Variants in SULT2B1 observed in about 807,000 individuals in gnomAD.
The protein encoded by SULT2B1 is sulfotransferase 2B1.
SULT2B1 carries 16 observed loss-of-function variants against 33.2 expected under a neutral mutation model. The observed-to-expected ratio is 0.48, with a 90% confidence interval of 0.33 to 0.73. The LOEUF (loss-of-function observed/expected upper bound fraction) is 0.73, where lower values mean the gene tolerates loss of function less well. Ranked by LOEUF, SULT2B1 falls within the 30% of genes least tolerant of loss-of-function variation. The pLI, the probability that SULT2B1 is intolerant of heterozygous loss-of-function variation, is 0.02. For missense variants in SULT2B1, 500 were observed against 506.0 expected (o/e 0.99, Z 0.11); for synonymous variants, 186 against 200.5 (o/e 0.93, Z 0.61).
intron 2 of SULT2B1, among the ~76,000 whole-genome samples, chr19:48,582,529 C>T (rs1411539983): frequency 1.3e-5 from 2 of 152,138 alleles, no homozygotes; most frequent in African/African-American, 4.8e-5. Context: ...GTAATGGCTA[C>T]ATTTCCCTCT....
In SULT2B1 at chr19:48,552,803, C is replaced by T. The variant is rs1973046963; in HGVS notation, c.71+480C>T. 6.6e-6 allele frequency among the ~76,000 whole-genome samples: 1 copy of T among 152,088 alleles called. No homozygotes were observed. Among genetic ancestry groups the T allele is most frequent in the Non-Finnish European group, 1.5e-5 (1 of 68,004 alleles). On this transcript the variant is annotated intron_variant, in intron 1 of 6. Coordinates refer to ENST00000201586, the MANE Select transcript of SULT2B1 (RefSeq NM_177973.2). The surrounding 1 kb of genome is among the most constrained non-coding windows in gnomAD (Gnocchi z 4.8). ...GAGGGAGAAGCTGTGTTCTAGGGCA[C>T]TTGGGGCGGAGAGGGCAGGCTCTGG...
chr19:48,555,009 A>T (rs1973079567), intron 1 of SULT2B1, among the ~76,000 whole-genome samples: 1 of 152,164 alleles, frequency 6.6e-6, no homozygotes, highest in Non-Finnish European at 1.5e-5. Context: ...CTCAGCCCAG[A>T]TGGGAGGTGA....
Position 48,596,855 on chromosome 19 carries a change from G to A in SULT2B1, c.762G>A (p.Met254Ile). 1 of 1,609,256 alleles carries A rather than the reference G, an allele frequency of 6.2e-7. No individual in the cohort carries two copies. The highest frequency in any genetic ancestry group is 8.5e-7 in the Non-Finnish European group (1 of 1,179,862). ...STFSAMKANTMSNYTLLPPSL... is the reference protein window; with the variant it reads ...STFSAMKANTISNYTLLPPSL... ...TCAGCGCCATGAAGGCCAACACCAT[G>A]TCCAACTACACGCTGCTGCCTCCCA... The change falls in exon 6 of 7, where the codon ATG becomes ATA. Residue 254 changes from methionine to isoleucine, a missense_variant. Transcript: ENST00000201586.
intron 1 of SULT2B1, among the ~76,000 whole-genome samples, chr19:48,557,788 G>A (rs1973120267): frequency 6.7e-6 from 1 of 148,582 alleles, no homozygotes; most frequent in African/African-American, 2.5e-5. Flanking sequence ...GCATGGTGGT[G>A]CATGCCTGTA....
chr19:48,569,364 A>AT (rs1568405791), intron 1 of SULT2B1, among the ~76,000 whole-genome samples: 2 of 1,418 alleles, frequency 1.4e-3, no homozygotes, highest in South Asian at 0.056. Context: ...AAAAAAAAAC[A>AT]TATATATATA....
At chr19:48,558,679 C>CTTTTTTTTTTTTTT (rs869189397) in intron 1 of SULT2B1, among the ~76,000 whole-genome samples, 24 of 106,176 alleles carry the variant, frequency 2.3e-4, no homozygotes, top group African/African-American at 9.2e-4. Flanking sequence ...CTTTTCTTTT[C>CTTTTTTTTTTTTTT]TTTTTTTTTT....
At chr19:48,594,153 C>T (rs982403753) in intron 5 of SULT2B1, among the ~76,000 whole-genome samples, 3 of 151,548 alleles carry the variant, frequency 2.0e-5, no homozygotes, top group Non-Finnish European at 4.4e-5. Flanking sequence ...CCCAGCTACT[C>T]GGGAGGCTGA....
intron 1 of SULT2B1, among the ~76,000 whole-genome samples, chr19:48,559,664 T>C (rs1434105406): frequency 1.3e-5 from 2 of 152,154 alleles, no homozygotes; most frequent in Non-Finnish European, 2.9e-5. Flanking sequence ...TGGGACCCAG[T>C]GGGTCACCCA....
intron 1 of SULT2B1, among the ~76,000 whole-genome samples, chr19:48,568,206 G>A (rs905167537): frequency 6.6e-6 from 1 of 151,418 alleles, no homozygotes; most frequent in African/African-American, 2.4e-5. Flanking sequence ...CCAGGAGCCG[G>A]AGGGTGGAGG....
chr19:48,573,800 G>A (rs3760804), intron 1 of SULT2B1, among the ~76,000 whole-genome samples: 106,940 of 151,876 alleles, frequency 0.7, 39,929 homozygotes, highest in Non-Finnish European at 0.83. Flanking sequence ...TGTCCTCTCT[G>A]TAGCAATGGA....
At chr19:48,565,241 A>G (rs1333421960) in intron 1 of SULT2B1, among the ~76,000 whole-genome samples, 1 of 151,874 alleles carries the variant, frequency 6.6e-6, no homozygotes, top group Non-Finnish European at 1.5e-5. Context: ...CTTACTTTTG[A>G]TGCATTTCAA....
intron 1 of SULT2B1, among the ~76,000 whole-genome samples, chr19:48,553,988 G>T (rs558941098): frequency 3.9e-5 from 6 of 152,022 alleles, no homozygotes; most frequent in East Asian, 1.9e-4. Flanking sequence ...TTATCTCCGC[G>T]ACGGCTCTGC....
At chr19:48,576,359 C>CTTTTCTTTCTTTG in intron 2 of SULT2B1, among the ~76,000 whole-genome samples, 1 of 96,716 alleles carries the variant, frequency 1.0e-5, no homozygotes, top group South Asian at 3.4e-4. Context: ...CTCTACTTCT[C>CTTTTCTTTCTTTG]TTTTTTTTTT....
rs560149467 is a variant in SULT2B1, at chr19:48,552,283, G to A, written c.31G>A (p.Gly11Ser). 5.6e-6 allele frequency: 9 copies of A among 1,614,004 alleles called. No individual in the cohort carries two copies. In the South Asian group the frequency reaches 8.8e-5, roughly 16 times the overall value. Residue 11 changes from glycine to serine, a missense_variant, in exon 1 of 7, where the codon GGC becomes AGC. Coordinates refer to ENST00000201586, the MANE Select transcript of SULT2B1 (RefSeq NM_177973.2). The surrounding 1 kb of genome is among the most constrained non-coding windows in gnomAD (Gnocchi z 4.8). MDGPAEPQIP[G>S]LWDTYEDDIS... ...CGGGCCCGCCGAGCCCCAGATCCCGGGCTTGTGGGACACCTATGAAGATGA... is the reference window on the plus strand; with the variant it reads ...CGGGCCCGCCGAGCCCCAGATCCCGAGCTTGTGGGACACCTATGAAGATGA...
At chr19:48,573,106 G>A (rs1347368421) in intron 1 of SULT2B1, among the ~76,000 whole-genome samples, 2 of 150,280 alleles carry the variant, frequency 1.3e-5, no homozygotes, top group Non-Finnish European at 2.9e-5. Flanking sequence ...GCAGTGAGCC[G>A]AGATCGTGTC....
At chr19:48,567,079 T>C (rs1431916957) in intron 1 of SULT2B1, among the ~76,000 whole-genome samples, 1 of 152,110 alleles carries the variant, frequency 6.6e-6, no homozygotes, top group Non-Finnish European at 1.5e-5. Context: ...TAAACTCCTT[T>C]TGAGTGGCTG....
At chr19:48,579,611 T>C (rs1451134676) in intron 2 of SULT2B1, among the ~76,000 whole-genome samples, 17 of 138,876 alleles carry the variant, frequency 1.2e-4, no homozygotes, top group African/African-American at 4.5e-4. Context: ...CTTTCTTTTT[T>C]TTTTTTTTTT....
chr19:48,587,545 C>T, intron 3 of SULT2B1, 108 bp downstream of exon 3: 3 of 1,257,504 alleles, frequency 2.4e-6, no homozygotes, highest in Admixed American at 3.8e-5. Context: ...TTGTTAAACA[C>T]CTACTATGTG....
At chr19:48,573,592 C>T (rs1035013396) in intron 1 of SULT2B1, among the ~76,000 whole-genome samples, 10 of 151,958 alleles carry the variant, frequency 6.6e-5, no homozygotes, top group Non-Finnish European at 8.8e-5. Context: ...TTTCCAGGAG[C>T]GGGAACAGCA....
Sources: allele counts gnomAD v4.1 joint callset (sites outside exome capture counted in the v4.1 genomes callset), GRCh38; gene constraint gnomAD v4.1.1; non-coding constraint Gnocchi (gnomAD v3.1); transcripts MANE v1.5; gene names NCBI Gene and HGNC (gene_info 2026-07-23, HGNC 2026-07-21).